The following SBF2 variants were observed in gnomAD, a reference collection of about 807,000 sequenced individuals.
SBF2 encodes myotubularin-related protein 13.
Under a neutral mutation model 225.2 loss-of-function variants are expected in SBF2, and 112 were observed. The observed-to-expected ratio is 0.50, with a 90% confidence interval of 0.43 to 0.58. The LOEUF is 0.58. Among genes scored for constraint, SBF2 ranks in the 20% least tolerant of loss-of-function variants. The pLI is 0.00. For synonymous variants in SBF2, 763 were observed against 773.3 expected, an observed-to-expected ratio of 0.99 and a Z score of 0.22; for missense variants, 1,996 against 2,206.2, an observed-to-expected ratio of 0.90 and a Z score of 1.91.
chr11:10,161,724 G>A (rs1260510447), intron 2 of SBF2, among the ~76,000 whole-genome samples: 1 of 150,934 alleles, frequency 6.6e-6, no homozygotes. Context: ...GGTGGCTCAC[G>A]CCAGTAATCC....
intron 13 of SBF2, among the ~76,000 whole-genome samples, chr11:9,970,503 A>T (rs1189010780): frequency 6.6e-6 from 1 of 152,082 alleles, no homozygotes; most frequent in Non-Finnish European, 1.5e-5. Context: ...AACTGCCATC[A>T]CTTCTTAGGG....
At chr11:10,191,506 C>T (rs747914712) in intron 2 of SBF2, among the ~76,000 whole-genome samples, 10 of 152,140 alleles carry the variant, frequency 6.6e-5, no homozygotes, top group Non-Finnish European at 8.8e-5. Flanking sequence ...ATTGAAATTG[C>T]GATCCATTAT....
chr11:9,998,938 G>C (rs57420335), intron 8 of SBF2, among the ~76,000 whole-genome samples: 5,093 of 152,242 alleles, frequency 0.033, 314 homozygotes, highest in East Asian at 0.19. Context: ...ACAGAGGATT[G>C]CATTTGAGAC....
At chr11:10,214,858 C>A (rs942666259) in intron 1 of SBF2, among the ~76,000 whole-genome samples, 5 of 152,134 alleles carry the variant, frequency 3.3e-5, no homozygotes, top group African/African-American at 1.2e-4. Flanking sequence ...GATCAGAATC[C>A]ACTCCAGGTA....
rs1861361025 is a variant in SBF2 at position 9,897,488 on chromosome 11, C to T, written c.1861-1477G>A. Among the ~76,000 whole-genome samples, 4 of 152,280 alleles carry T rather than the reference C, an allele frequency of 2.6e-5. No individual in the cohort carries two copies. The South Asian group carries it at 8.3e-4, about 32-fold the overall frequency. On this transcript the variant is annotated intron_variant, in intron 16 of 39. Transcript: ENST00000256190. ...TCAGCCTCCCAAAGTGCTGGGATCACAGGCATGAACCACCATGCCCGGCGG... is the reference window on the plus strand; with the variant it reads ...TCAGCCTCCCAAAGTGCTGGGATCATAGGCATGAACCACCATGCCCGGCGG...
chr11:10,089,119 C>T (rs897622584), intron 2 of SBF2, among the ~76,000 whole-genome samples: 5 of 152,072 alleles, frequency 3.3e-5, no homozygotes, highest in African/African-American at 9.7e-5. Flanking sequence ...TGCATAGTGG[C>T]GAAGTCTGTA....
chr11:10,170,180 T>C (rs1343650027), intron 2 of SBF2, among the ~76,000 whole-genome samples: 1 of 152,202 alleles, frequency 6.6e-6, no homozygotes, highest in Non-Finnish European at 1.5e-5. Flanking sequence ...TCTGTGCTTA[T>C]GGGGTATTAC....
At chr11:10,280,876 T>C (rs1205557787) in intron 1 of SBF2, among the ~76,000 whole-genome samples, 1 of 152,184 alleles carries the variant, frequency 6.6e-6, no homozygotes, top group East Asian at 1.9e-4. Context: ...GGTTTCTCCT[T>C]ACCCAAAAAT....
intron 1 of SBF2, among the ~76,000 whole-genome samples, chr11:10,266,927 G>A (rs529107274): frequency 2.6e-5 from 4 of 151,958 alleles, no homozygotes; most frequent in Non-Finnish European, 5.9e-5. Context: ...CGTCTCTACC[G>A]AAAATATAAT....
chr11:9,980,709 A>G (rs551326471), intron 13 of SBF2, among the ~76,000 whole-genome samples: 8 of 151,830 alleles, frequency 5.3e-5, no homozygotes, highest in African/African-American at 1.9e-4. Context: ...CTCCGGAGTT[A>G]CTGGGACTAC....
intron 2 of SBF2, among the ~76,000 whole-genome samples, chr11:10,188,465 G>A (rs1957032855): frequency 6.6e-6 from 1 of 152,134 alleles, no homozygotes; most frequent in Non-Finnish European, 1.5e-5. Flanking sequence ...AGGTAGAGCA[G>A]AACCCTAGCA....
chr11:9,938,963 TAA>T (rs1386195392), intron 16 of SBF2, among the ~76,000 whole-genome samples: 4 of 151,670 alleles, frequency 2.6e-5, no homozygotes, highest in Non-Finnish European at 5.9e-5. Flanking sequence ...ATATCTAAAC[TAA>T]AGTGCTCTTA....
At chr11:9,955,416 G>A (rs1253471747) in intron 16 of SBF2, among the ~76,000 whole-genome samples, 1 of 151,904 alleles carries the variant, frequency 6.6e-6, no homozygotes, top group African/African-American at 2.4e-5. Context: ...TTCCATATCA[G>A]TACATATATA....
At chr11:10,048,768 T>C (rs1034596296) in intron 2 of SBF2, among the ~76,000 whole-genome samples, 2 of 152,198 alleles carry the variant, frequency 1.3e-5, no homozygotes, top group Non-Finnish European at 2.9e-5. Flanking sequence ...GTGACATGTG[T>C]CAATATTTGG....
intron 5 of SBF2, 41 bp downstream of exon 5, chr11:10,029,724 G>A: frequency 1.6e-6 from 2 of 1,214,886 alleles, no homozygotes; most frequent in Non-Finnish European, 2.5e-6. Context: ...GAGAGGGGAA[G>A]AGGAACAATC....
intron 2 of SBF2, among the ~76,000 whole-genome samples, chr11:10,126,434 G>A (rs1422274594): frequency 2.0e-5 from 3 of 152,016 alleles, no homozygotes; most frequent in African/African-American, 7.2e-5. Context: ...TCAATGTGTT[G>A]ACAGATCAAG....
At chr11:10,254,521 G>A (rs61889814) in intron 1 of SBF2, among the ~76,000 whole-genome samples, 29,949 of 151,332 alleles carry the variant, frequency 0.2, 3,133 homozygotes, top group Middle Eastern at 0.26. Context: ...AGTAGTCAAA[G>A]ATATGGAATC....
rs55922206 is a variant in SBF2, at chr11:9,826,713, G to GTATATATA, written c.3793+2635_3793+2642dup. Among the ~76,000 whole-genome samples, 21 of 148,874 alleles carry GTATATATA rather than the reference G, an allele frequency of 1.4e-4. No individual in the cohort carries two copies. In the South Asian group the frequency reaches 3.6e-3, roughly 26 times the overall value. ...AGATTACTTACTTAGTGTGTGGTGTGTATATATATATATATATATGTGTGT... is the reference window on the plus strand; with the variant it reads ...AGATTACTTACTTAGTGTGTGGTGTGTATATATATATATATATATATATATATGTGTGT... On this transcript the variant is annotated intron_variant, in intron 28 of 39. Coordinates refer to ENST00000256190, the MANE Select transcript of SBF2 (RefSeq NM_030962.4).
chr11:10,172,095 T>G (rs1412635859), intron 2 of SBF2, among the ~76,000 whole-genome samples: 4 of 152,092 alleles, frequency 2.6e-5, no homozygotes, highest in Non-Finnish European at 5.9e-5. Flanking sequence ...ACTTTTTGTT[T>G]TGTTGATCTT....
Sources: gnomAD v4.1 joint callset for allele counts (sites outside exome capture counted in the v4.1 genomes callset) on GRCh38, gnomAD v4.1.1 for gene constraint, MANE v1.5 for transcripts, NCBI Gene and HGNC (gene_info 2026-07-23, HGNC 2026-07-21) for gene names.